CUX2: variants seen among roughly 807,000 people sequenced by gnomAD.
CUX2 encodes cut like homeobox 2.
In CUX2, 40 loss-of-function variants were observed where a neutral mutation model predicts 144.8. That is an observed-to-expected ratio of 0.28 (90% confidence interval 0.21 to 0.36). CUX2 has a LOEUF of 0.36. Among genes scored for constraint, CUX2 ranks in the 10% least tolerant of loss-of-function variants. CUX2 has a pLI of 1.00. For missense variants in CUX2, 1,615 were observed against 1,994.0 expected (o/e 0.81, Z 3.62); for synonymous variants, 827 against 875.6 (o/e 0.94, Z 0.98).
chr12:111,302,543 A>C (rs1052502233), intron 9 of CUX2, among the ~76,000 whole-genome samples: 3 of 152,208 alleles, frequency 2.0e-5, no homozygotes, highest in Non-Finnish European at 2.9e-5. Context: ...TTCTCTCCAA[A>C]GCCACAAGAT....
Position 111,306,955 on chromosome 12 carries a change from G to A in CUX2, c.893G>A (p.Arg298Gln), listed in dbSNP as rs368309448. The A allele has an allele frequency of 1.9e-4, 309 of 1,612,538 alleles. No homozygotes were observed. The highest frequency in any genetic ancestry group is 3.3e-4 in the Middle Eastern group (2 of 5,998). Residue 298 changes from arginine (R) to glutamine (Q), a missense_variant, in exon 11 of 22, where the codon CGG (arginine) becomes CAG (glutamine). By Grantham distance (43) the Arg-to-Gln change is conservative. This residue lies in a region of CUX2 where 295 missense variants were observed against 400.2 expected (regional missense o/e 0.74). Coordinates refer to ENST00000261726, the MANE Select transcript of CUX2 (RefSeq NM_015267.4). ...KVNFTLCSGP[R>Q]LEAALASKDR... is the part of the protein sequence containing the mutation. The stretch of plus-strand genomic sequence containing the variant: ...AACTTCACTCTGTGCTCGGGCCCTC[G>A]GCTGGAGGCCGCGCTGGCCTCCAAG...
Position 111,320,030 on chromosome 12 carries a change from T to A in CUX2, c.2021T>A (p.Val674Glu). 6.5e-7 allele frequency: 1 copy of A among 1,533,832 alleles called. No individual in the cohort carries two copies. Among genetic ancestry groups the A allele is most frequent in the Non-Finnish European group, 8.7e-7 (1 of 1,145,680 alleles). ...CCCGCAGGCGAGCCCAAGACCTCGG[T>A]GGCCCCGCTGAGCATCGCCAACGGC... ...SQKGGEPKTS[V>E]APLSIANGTT... The change falls in exon 17 of 22, where the codon GTG becomes GAG. Residue 674 changes from valine to glutamate, a missense_variant. Val to Glu is a moderately radical substitution (Grantham distance 121). Coordinates refer to ENST00000261726, the MANE Select transcript of CUX2 (RefSeq NM_015267.4). This position sits in a 1 kb window ranked among gnomAD's most constrained non-coding sequence, Gnocchi z 8.1.
chr12:111,131,586 C>G (rs1459886400), intron 1 of CUX2, among the ~76,000 whole-genome samples: 1 of 152,204 alleles, frequency 6.6e-6, no homozygotes, highest in Admixed American at 6.5e-5. Flanking sequence ...AAATCAAAAG[C>G]AAGCTAGTTA....
chr12:111,324,126 G>A (rs1175001180), intron 18 of CUX2, among the ~76,000 whole-genome samples: 8 of 151,982 alleles, frequency 5.3e-5, no homozygotes, highest in Admixed American at 1.3e-4. Context: ...CAAGGCGGGC[G>A]GATCACAAAG....
chr12:111,324,502 G>GTTTTT (rs970774653), intron 18 of CUX2, among the ~76,000 whole-genome samples: 2 of 147,872 alleles, frequency 1.4e-5, no homozygotes, highest in African/African-American at 5.1e-5. Context: ...GTTTTGTTTT[G>GTTTTT]TTTTTGTTTT....
chr12:111,107,010 G>C (rs1388409535), intron 1 of CUX2, among the ~76,000 whole-genome samples: 2 of 152,200 alleles, frequency 1.3e-5, no homozygotes, highest in Non-Finnish European at 2.9e-5. Context: ...TGTTGCATTT[G>C]AAATTCAGAA....
At chr12:111,117,545 A>G (rs1874380936) in intron 1 of CUX2, among the ~76,000 whole-genome samples, 1 of 152,220 alleles carries the variant, frequency 6.6e-6, no homozygotes, top group Non-Finnish European at 1.5e-5. Context: ...GGAGAGAGAA[A>G]TCCAGAAATA....
At chr12:111,314,059 G>A (rs1887048966) in intron 16 of CUX2, among the ~76,000 whole-genome samples, 1 of 152,200 alleles carries the variant, frequency 6.6e-6, no homozygotes, top group Admixed American at 6.5e-5. Context: ...GGAGGGGTGA[G>A]GGGATAAGGG....
intron 20 of CUX2, among the ~76,000 whole-genome samples, chr12:111,338,785 C>T (rs1041166616): frequency 6.6e-6 from 1 of 151,866 alleles, no homozygotes. Context: ...GCTTGAGGAT[C>T]ACTTGGGAGG....
Position 111,092,805 on chromosome 12 carries a change from A to ATTTT in CUX2, c.63+58589_63+58592dup, listed in dbSNP as rs528129107. 9.4e-5 allele frequency among the ~76,000 whole-genome samples: 10 copies of ATTTT among 106,032 alleles called. No homozygotes were observed. The South Asian group carries it at 1.8e-3, about 19-fold the overall frequency. The allele number at this position is 106,032 out of a possible 152,430, so 69.6% of individuals were successfully genotyped here. A position where few individuals can be genotyped will look rare whatever the true frequency, so the allele number is the denominator to read the frequency against. On this transcript the variant is annotated intron_variant, in intron 1 of 21. Transcript: ENST00000261726. ...GATAAGGAAACCAAAGCTCTGGCAG[A>ATTTT]TTTTTTTTTTTTTTTTTTTTTTTTT...
intron 4 of CUX2, among the ~76,000 whole-genome samples, chr12:111,279,551 G>C (rs1226913853): frequency 6.6e-6 from 1 of 152,156 alleles, no homozygotes; most frequent in Non-Finnish European, 1.5e-5. Flanking sequence ...GGCCAGGTGT[G>C]GTGGCTCATG....
chr12:111,264,896 G>T (rs1279384172), intron 4 of CUX2, among the ~76,000 whole-genome samples: 4 of 151,170 alleles, frequency 2.6e-5, no homozygotes, highest in Admixed American at 6.6e-5. Flanking sequence ...CCGTAGATAA[G>T]AGTCGATTGT....
chr12:111,090,639 C>G (rs1285825436), intron 1 of CUX2, among the ~76,000 whole-genome samples: 3 of 152,126 alleles, frequency 2.0e-5, no homozygotes, highest in Admixed American at 1.3e-4. Flanking sequence ...CTCTCGGCAT[C>G]CTTTTTCTGG....
chr12:111,124,172 C>G (rs1351813053), intron 1 of CUX2, among the ~76,000 whole-genome samples: 2 of 152,158 alleles, frequency 1.3e-5, no homozygotes, highest in Non-Finnish European at 2.9e-5. Context: ...CTTTCACTCT[C>G]TGAAGGTTCC....
At chr12:111,094,434 A>G (rs1229446819) in intron 1 of CUX2, among the ~76,000 whole-genome samples, 1 of 152,206 alleles carries the variant, frequency 6.6e-6, no homozygotes, top group Non-Finnish European at 1.5e-5. Context: ...GAGCTTGGGG[A>G]CTGGGGTCAG....
At chr12:111,099,433 A>G (rs1873059695) in intron 1 of CUX2, 2 of 404,572 alleles carry the variant, frequency 4.9e-6, no homozygotes, top group South Asian at 1.8e-5. Context: ...TTCTTCCTTC[A>G]TTTCTTGCCA....
In CUX2 at chr12:111,295,412, A is replaced by ATG; in HGVS notation, c.637+7_637+8dup. 6.2e-7 allele frequency: 1 copy of ATG among 1,611,392 alleles called. No individual in the cohort carries two copies. The highest frequency in any genetic ancestry group is 8.5e-7 in the Non-Finnish European group (1 of 1,178,860). On this transcript the variant is annotated splice_donor_region_variant and intron_variant, in intron 7 of 21. Coordinates refer to ENST00000261726, the MANE Select transcript of CUX2 (RefSeq NM_015267.4). The surrounding 1 kb of genome is among the most constrained non-coding windows in gnomAD (Gnocchi z 5.0). The stretch of plus-strand genomic sequence containing the variant: ...GAAAATCAAAGTCCTACATTCAGGT[A>ATG]TGTGTCGGCACCATGTGGCCTAGAG...
chr12:111,216,548 G>A (rs1291658831), intron 2 of CUX2, among the ~76,000 whole-genome samples: 1 of 152,206 alleles, frequency 6.6e-6, no homozygotes, highest in Non-Finnish European at 1.5e-5. Context: ...GAGGTTCCGT[G>A]CTCATGCTGC....
intron 1 of CUX2, among the ~76,000 whole-genome samples, chr12:111,064,128 C>T (rs1376185844): frequency 1.3e-5 from 2 of 152,122 alleles, no homozygotes; most frequent in Admixed American, 1.3e-4. Context: ...GTGCAAATGG[C>T]TTAGGAGTGG....
Sources: gnomAD v4.1 joint callset for allele counts (sites outside exome capture counted in the v4.1 genomes callset) on GRCh38, gnomAD v4.1.1 for gene constraint, gnomAD v4.1.1 regional missense constraint, Gnocchi (gnomAD v3.1) non-coding constraint, MANE v1.5 for transcripts, NCBI Gene and HGNC (gene_info 2026-07-23, HGNC 2026-07-21) for gene names.